Variants in GPM6A observed in about 807,000 individuals in gnomAD.
GPM6A encodes the protein glycoprotein M6A, also known as neuronal membrane glycoprotein M6-a.
GPM6A carries 7 observed loss-of-function variants against 32.1 expected under a neutral mutation model. The observed-to-expected ratio is 0.22, with a 90% CI of 0.12 to 0.41. The LOEUF (loss-of-function observed/expected upper bound fraction) is 0.41, where lower values mean the gene tolerates loss of function less well. Among genes scored for constraint, GPM6A ranks in the 10% least tolerant of loss-of-function variants. The pLI, the probability that GPM6A is intolerant of heterozygous loss-of-function variation, is 1.00. For synonymous variants in GPM6A, 130 were observed against 123.4 expected (o/e 1.05, Z -0.35); for missense variants, 235 against 347.2 (o/e 0.68, Z 2.57).
At chr4:175,809,800 C>T (rs2111326591) in intron 1 of GPM6A, among the ~76,000 whole-genome samples, 1 of 152,196 alleles carries the variant, frequency 6.6e-6, no homozygotes, top group African/African-American at 2.4e-5. Context: ...TGCTTAAACA[C>T]CAAGTATATA....
chr4:175,805,455 A>T (rs11945986), intron 1 of GPM6A, among the ~76,000 whole-genome samples: 18,075 of 152,202 alleles, frequency 0.12, 1,664 homozygotes, highest in African/African-American at 0.26. Context: ...TTGATAACCA[A>T]GAAAAAGCAT....
chr4:175,780,301 G>T (rs1343670639), intron 1 of GPM6A, among the ~76,000 whole-genome samples: 2 of 152,090 alleles, frequency 1.3e-5, no homozygotes, highest in African/African-American at 4.8e-5. Context: ...ACCTGCCTCG[G>T]CCTCTCAAAG....
chr4:175,680,520 T>G (rs901717778), intron 2 of GPM6A, among the ~76,000 whole-genome samples: 1 of 152,212 alleles, frequency 6.6e-6, no homozygotes. Context: ...CATGGATTAG[T>G]GTATTTTTTC....
intron 1 of GPM6A, chr4:175,787,420 T>C (rs1733845696): frequency 1.4e-5 from 21 of 1,529,778 alleles, no homozygotes; most frequent in Non-Finnish European, 1.8e-5. Flanking sequence ...GGGCATAAGC[T>C]CTCTCCTGTG....
intron 1 of GPM6A, among the ~76,000 whole-genome samples, chr4:175,984,329 A>AT (rs1361265413): frequency 2.6e-5 from 4 of 151,588 alleles, no homozygotes; most frequent in African/African-American, 7.3e-5. Flanking sequence ...CGCCCGGCTA[A>AT]TTTTTTTGTA....
chr4:175,796,099 C>G (rs1734216773), intron 1 of GPM6A, among the ~76,000 whole-genome samples: 1 of 152,174 alleles, frequency 6.6e-6, no homozygotes, highest in Non-Finnish European at 1.5e-5. Context: ...TGTTTGGATG[C>G]TGTTTTAGTT....
chr4:175,844,321 T>C (rs1288348144), intron 1 of GPM6A, among the ~76,000 whole-genome samples: 1 of 152,224 alleles, frequency 6.6e-6, no homozygotes, highest in Admixed American at 6.5e-5. Context: ...TCTCCAATGT[T>C]AGTTGAGAAG....
At chr4:175,770,465 A>G (rs982817195) in intron 1 of GPM6A, among the ~76,000 whole-genome samples, 1 of 152,098 alleles carries the variant, frequency 6.6e-6, no homozygotes, top group South Asian at 2.1e-4. Context: ...TTAGTAATAC[A>G]TTTTCAGAGA....
chr4:175,809,795 A>C (rs1376590549), intron 1 of GPM6A, among the ~76,000 whole-genome samples: 1 of 152,238 alleles, frequency 6.6e-6, no homozygotes, highest in African/African-American at 2.4e-5. Flanking sequence ...TTAAATGCTT[A>C]AACACCAAGT....
intron 3 of GPM6A, among the ~76,000 whole-genome samples, chr4:175,664,894 C>T (rs989701083): frequency 1.3e-5 from 2 of 152,166 alleles, no homozygotes; most frequent in Admixed American, 1.3e-4. Flanking sequence ...AGATGTGTAG[C>T]CTACTACAAA....
chr4:175,721,044 AT>A (rs575042898), intron 1 of GPM6A, among the ~76,000 whole-genome samples: 3 of 33,080 alleles, frequency 9.1e-5, no homozygotes, highest in African/African-American at 1.5e-4. Context: ...TATATATTAT[AT>A]ATATATATGT....
intron 1 of GPM6A, among the ~76,000 whole-genome samples, chr4:175,823,765 T>G (rs1735348761): frequency 6.6e-6 from 1 of 152,236 alleles, no homozygotes; most frequent in Non-Finnish European, 1.5e-5. Flanking sequence ...AAGTGTACTC[T>G]TACATTTCCA....
chr4:175,756,359 A>C (rs1366630927), intron 1 of GPM6A, among the ~76,000 whole-genome samples: 1 of 152,132 alleles, frequency 6.6e-6, no homozygotes, highest in African/African-American at 2.4e-5. Flanking sequence ...AGTTCAGTAA[A>C]GGAATGACAA....
chr4:175,840,753 G>C (rs1279047550), intron 1 of GPM6A, among the ~76,000 whole-genome samples: 1 of 151,662 alleles, frequency 6.6e-6, no homozygotes, highest in East Asian at 1.9e-4. Flanking sequence ...AAAGAGAAAA[G>C]TGTTAATGAT....
intron 1 of GPM6A, chr4:175,811,862 A>G: frequency 5.1e-6 from 1 of 197,772 alleles, no homozygotes; most frequent in Non-Finnish European, 1.0e-5. Flanking sequence ...CACACTAGGG[A>G]TCCCTTGACC....
At chr4:175,692,586 CT>C (rs1463962648) in intron 2 of GPM6A, among the ~76,000 whole-genome samples, 2 of 151,844 alleles carry the variant, frequency 1.3e-5, no homozygotes, top group South Asian at 4.1e-4. Context: ...ATTAGGAGCT[CT>C]TTTCATGTAA....
intron 1 of GPM6A, among the ~76,000 whole-genome samples, chr4:175,899,731 T>C (rs1241647695): frequency 6.6e-6 from 1 of 151,766 alleles, no homozygotes; most frequent in Admixed American, 6.6e-5. Context: ...CAAAATAGAT[T>C]AAAGACATAA....
At position 175,640,736 on chromosome 4, in the gene GPM6A, G is replaced by A. The variant is rs749007989; in HGVS notation, c.618+17C>T. On this transcript the variant is annotated intron_variant, in intron 5 of 6. Transcript: ENST00000393658. ...TGCTAAAATTCTGACAAAATTAAAG[G>A]CTGTAAAAACACTCACCTCAGTAGA... 1.3e-6 allele frequency: 2 copies of A among 1,515,176 alleles called. No homozygotes were observed. The highest frequency in any genetic ancestry group is 2.7e-5 in the African/African-American group (2 of 72,794). The allele number at this position is 1,515,176 out of a possible 1,614,324, so 93.9% of individuals were successfully genotyped here. A position where few individuals can be genotyped will look rare whatever the true frequency, so the allele number is the denominator to read the frequency against.
intron 1 of GPM6A, among the ~76,000 whole-genome samples, chr4:175,819,589 T>A (rs1308645416): frequency 5.9e-5 from 9 of 152,158 alleles, no homozygotes; most frequent in African/African-American, 2.2e-4. Context: ...ATTACTATTG[T>A]CCCCATTTTG....
Sources: allele counts gnomAD v4.1 joint callset (sites outside exome capture counted in the v4.1 genomes callset), GRCh38; gene constraint gnomAD v4.1.1; transcripts MANE v1.5; gene names NCBI Gene and HGNC (gene_info 2026-07-23, HGNC 2026-07-21).